CMTM8: variants seen among roughly 807,000 people sequenced by gnomAD.
CMTM8 encodes the protein CKLF-like MARVEL transmembrane domain-containing protein 8.
A neutral mutation model predicts 18.6 loss-of-function variants in CMTM8; 12 were observed. The ratio of observed to expected loss-of-function variants is 0.65; its 90% CI spans 0.41 to 1.05. The LOEUF is 1.05. Ranked by LOEUF, CMTM8 falls within the 50% of genes least tolerant of loss-of-function variation. The pLI is 0.00. For missense variants in CMTM8, 217 were observed against 227.2 expected, an observed-to-expected ratio of 0.95 and a Z score of 0.29; for synonymous variants, 87 against 90.6, an observed-to-expected ratio of 0.96 and a Z score of 0.23.
intron 1 of CMTM8, among the ~76,000 whole-genome samples, chr3:32,266,284 G>A (rs1702342949): frequency 1.3e-5 from 2 of 152,344 alleles, no homozygotes; most frequent in South Asian, 2.1e-4. Flanking sequence ...TCCCTGGGAT[G>A]CAAGGCTGGT....
At chr3:32,273,675 C>T (rs75377039) in intron 1 of CMTM8, among the ~76,000 whole-genome samples, 22,022 of 152,042 alleles carry the variant, frequency 0.14, 1,638 homozygotes, top group Middle Eastern at 0.2. Flanking sequence ...TGCGTTAGTG[C>T]GTGCTGGGAG....
intron 1 of CMTM8, among the ~76,000 whole-genome samples, chr3:32,309,300 A>ATTTTTTTTTTTTTTTTTT (rs4038996): frequency 1.0e-5 from 1 of 96,436 alleles, no homozygotes; most frequent in Non-Finnish European, 2.0e-5. Flanking sequence ...CAATTTACCA[A>ATTTTTTTTTTTTTTTTTT]TTTTTTTTTT....
intron 1 of CMTM8, among the ~76,000 whole-genome samples, chr3:32,303,073 C>G (rs1280188382): frequency 2.0e-5 from 3 of 152,238 alleles, no homozygotes; most frequent in African/African-American, 4.8e-5. Flanking sequence ...TTTTTGATCA[C>G]TATTACATAA....
chr3:32,338,151 T>A (rs972526860), intron 1 of CMTM8, among the ~76,000 whole-genome samples: 1 of 151,914 alleles, frequency 6.6e-6, no homozygotes, highest in African/African-American at 2.4e-5. Context: ...GCCCAGCTAA[T>A]TTTTGTATTT....
At chr3:32,328,370 C>CAAAAAAAAAAAAAA (rs796201249) in intron 1 of CMTM8, among the ~76,000 whole-genome samples, 13 of 74,786 alleles carry the variant, frequency 1.7e-4, no homozygotes, top group African/African-American at 8.1e-4. Context: ...ACCCTGTCTC[C>CAAAAAAAAAAAAAA]AAAAAAAAAA....
At chr3:32,249,853 A>G (rs926796500) in intron 1 of CMTM8, among the ~76,000 whole-genome samples, 2 of 152,200 alleles carry the variant, frequency 1.3e-5, no homozygotes, top group African/African-American at 4.8e-5. Flanking sequence ...TTTCTAGACT[A>G]TGTCCTTAGA....
intron 1 of CMTM8, among the ~76,000 whole-genome samples, chr3:32,296,141 T>A (rs1021021517): frequency 3.3e-5 from 5 of 151,070 alleles, no homozygotes; most frequent in Admixed American, 6.6e-5. Flanking sequence ...TTTTATTTTT[T>A]ATTTTTTTTT....
intron 1 of CMTM8, among the ~76,000 whole-genome samples, chr3:32,340,250 C>A (rs1696468320): frequency 6.6e-6 from 1 of 152,158 alleles, no homozygotes; most frequent in Admixed American, 6.5e-5. Flanking sequence ...CCGGTTGTAT[C>A]ACCTTAGTCT....
Position 32,311,714 on chromosome 3 carries a change from A to G in CMTM8, c.148-45659A>G, listed in dbSNP as rs141054417. Among the ~76,000 whole-genome samples the G allele has an allele frequency of 5.0e-4, 76 of 152,064 alleles. 1 individual carries two copies. In the East Asian group the frequency reaches 0.012, roughly 24 times the overall value. On this transcript the variant is annotated intron_variant, in intron 1 of 3. Transcript: ENST00000307526. The stretch of plus-strand genomic sequence containing the variant: ...TTCCCCCCACACCAACCGATTCTCC[A>G]CCAGCTGGATGTCCTATAAATCAAT...
chr3:32,301,219 C>G (rs968365027), intron 1 of CMTM8, among the ~76,000 whole-genome samples: 1 of 151,922 alleles, frequency 6.6e-6, no homozygotes, highest in African/African-American at 2.4e-5. Flanking sequence ...ATTTTTTGCC[C>G]TACTTAGGTT....
At chr3:32,289,667 T>C (rs1468122203) in intron 1 of CMTM8, among the ~76,000 whole-genome samples, 1 of 152,146 alleles carries the variant, frequency 6.6e-6, no homozygotes, top group Admixed American at 6.6e-5. Context: ...GCATAGAAAA[T>C]GTGGGACCAG....
At chr3:32,284,694 G>C (rs1202311840) in intron 1 of CMTM8, among the ~76,000 whole-genome samples, 1 of 152,204 alleles carries the variant, frequency 6.6e-6, no homozygotes, top group Admixed American at 6.5e-5. Flanking sequence ...CCAGTACCTG[G>C]AAGCCAGGAG....
chr3:32,327,642 C>T (rs1215874313), intron 1 of CMTM8, among the ~76,000 whole-genome samples: 1 of 152,162 alleles, frequency 6.6e-6, no homozygotes, highest in Non-Finnish European at 1.5e-5. Flanking sequence ...TTCCCATCTG[C>T]CAAATTGTAT....
chr3:32,319,732 C>A (rs1011007844), intron 1 of CMTM8, among the ~76,000 whole-genome samples: 1 of 152,118 alleles, frequency 6.6e-6, no homozygotes, highest in Non-Finnish European at 1.5e-5. Context: ...CTTTAATAGG[C>A]TAATAAAGGT....
rs951436725 is a variant in CMTM8 at position 32,359,782 on chromosome 3, T to A, written c.321+2236T>A. Among the ~76,000 whole-genome samples the A allele has an allele frequency of 2.6e-5, 4 of 152,228 alleles. 1 individual carries two copies. In the South Asian group the frequency reaches 8.3e-4, roughly 32 times the overall value. On this transcript the variant is annotated intron_variant, in intron 2 of 3. Transcript: ENST00000307526. ...AAAAAGAATATTAACAATGCCTTCT[T>A]CCGGCACCCCTGGTTTTAAAATGCT...
chr3:32,264,872 G>A (rs1242909778), intron 1 of CMTM8, among the ~76,000 whole-genome samples: 2 of 152,160 alleles, frequency 1.3e-5, no homozygotes, highest in East Asian at 1.9e-4. Flanking sequence ...TTACATAATG[G>A]TAAAGGGATC....
rs1056208982 is a variant in CMTM8, at chr3:32,238,998, C to A, written c.26C>A (p.Ser9Ter). 6.4e-7 allele frequency: 1 copy of A among 1,555,170 alleles called. No homozygotes were observed. Among genetic ancestry groups the A allele is most frequent in the South Asian group, 1.2e-5 (1 of 84,178 alleles). ...ATGGAGGAGCCGCAGCGCGCCCGCT[C>A]GCACACAGTCACCACCACCGCCAGC... MEEPQRAR[S>*]HTVTTTASSF... is the part of the protein sequence containing the mutation. Residue 9 changes from serine (S) to a stop codon, truncating the protein, a stop_gained, in exon 1 of 4, where the codon TCG becomes TAG. Transcript: ENST00000307526. LOFTEE classifies it high-confidence loss of function.
At chr3:32,308,137 TGAAA>T (rs58523649) in intron 1 of CMTM8, among the ~76,000 whole-genome samples, 262 of 152,344 alleles carry the variant, frequency 1.7e-3, no homozygotes, top group African/African-American at 5.9e-3. Context: ...CCTTTCAGGA[TGAAA>T]GAGTCACACC....
intron 2 of CMTM8, among the ~76,000 whole-genome samples, chr3:32,363,656 T>C (rs925945304): frequency 1.3e-5 from 2 of 152,212 alleles, no homozygotes; most frequent in Non-Finnish European, 2.9e-5. Context: ...CATTGGCCCA[T>C]CTCCTGTATC....
Sources: gnomAD v4.1 joint callset for allele counts (sites outside exome capture counted in the v4.1 genomes callset) on GRCh38, gnomAD v4.1.1 for gene constraint, MANE v1.5 for transcripts, NCBI Gene and HGNC (gene_info 2026-07-23, HGNC 2026-07-21) for gene names.